Variants in VPS53 observed in about 807,000 individuals in gnomAD.
The protein encoded by VPS53 is VPS53 subunit of GARP complex.
Under a neutral mutation model 107.0 loss-of-function variants are expected in VPS53, and 70 were observed. That is an observed-to-expected ratio of 0.65 (90% confidence interval 0.54 to 0.80). VPS53 has a LOEUF of 0.80. Among genes scored for constraint, VPS53 ranks in the 30% least tolerant of loss-of-function variants. The probability of loss-of-function intolerance (pLI) is 0.00; values close to 1 mark genes in which losing one functional copy is unlikely to be tolerated. For missense variants in VPS53, 917 were observed against 1,049.4 expected (o/e 0.87, Z 1.74); for synonymous variants, 409 against 393.3 (o/e 1.04, Z -0.47).
intron 13 of VPS53, among the ~76,000 whole-genome samples, chr17:568,703 T>C (rs1965557425): frequency 6.6e-6 from 1 of 152,216 alleles, no homozygotes; most frequent in Non-Finnish European, 1.5e-5. Context: ...ACAGGCAAAC[T>C]GAGCAAATAG....
chr17:665,141 A>G (rs57409139), intron 4 of VPS53, among the ~76,000 whole-genome samples: 14,672 of 152,250 alleles, frequency 0.096, 983 homozygotes, highest in East Asian at 0.37. Flanking sequence ...CCTCACGAAC[A>G]AATGAATGGC....
At chr17:611,907 T>C (rs960294577) in intron 11 of VPS53, among the ~76,000 whole-genome samples, 34 of 152,048 alleles carry the variant, frequency 2.2e-4, no homozygotes, top group Non-Finnish European at 3.1e-4. Context: ...TTCACAGCAG[T>C]ATTCACATAG....
At chr17:559,448 G>C (rs1315724033) in intron 15 of VPS53, among the ~76,000 whole-genome samples, 1 of 152,212 alleles carries the variant, frequency 6.6e-6, no homozygotes, top group African/African-American at 2.4e-5. Context: ...CCTGGGGAGT[G>C]GCCTGGGGCT....
Position 714,801 on chromosome 17 carries a change from C to A in VPS53, c.-92G>T, listed in dbSNP as rs980781568. On this transcript the variant is annotated 5_prime_UTR_variant, in exon 1 of 22. Coordinates refer to ENST00000437048, the MANE Select transcript of VPS53 (RefSeq NM_001128159.3). ...CCCCAGCACAGCAACTCCCTCGCGGCAGCGACCTGGTGAGCCCGGCTCCGT... is the reference window on the plus strand; with the variant it reads ...CCCCAGCACAGCAACTCCCTCGCGGAAGCGACCTGGTGAGCCCGGCTCCGT... The A allele has an allele frequency of 2.7e-5, 39 of 1,424,948 alleles. No homozygotes were observed. The highest frequency in any genetic ancestry group is 2.1e-4 in the African/African-American group (15 of 70,866). The allele number at this position is 1,424,948 out of a possible 1,614,324, so 88.3% of individuals were successfully genotyped here.
intron 3 of VPS53, 42 bp downstream of exon 3, chr17:699,289 A>G: frequency 6.8e-7 from 1 of 1,464,562 alleles, no homozygotes; most frequent in Non-Finnish European, 9.1e-7. Context: ...AATTAACAAT[A>G]TACTTTTCAT....
At chr17:710,461 T>C in intron 2 of VPS53, 72 bp downstream of exon 2, 1 of 1,196,152 alleles carries the variant, frequency 8.4e-7, no homozygotes, top group South Asian at 1.2e-5. Context: ...TGATCTAGTG[T>C]AACACACGAA....
intron 16 of VPS53, among the ~76,000 whole-genome samples, chr17:552,296 G>T (rs1303667893): frequency 7.2e-6 from 1 of 138,368 alleles, no homozygotes; most frequent in African/African-American, 2.6e-5. Flanking sequence ...ACTAAGAAGA[G>T]AATTTTGATT....
chr17:682,199 T>C (rs977007176), intron 4 of VPS53, among the ~76,000 whole-genome samples: 4 of 152,016 alleles, frequency 2.6e-5, no homozygotes, highest in Admixed American at 6.6e-5. Flanking sequence ...ACTCAAAAAG[T>C]GGTAGATTCT....
intron 4 of VPS53, chr17:675,006 G>A (rs375996060): frequency 4.1e-4 from 62 of 152,188 alleles, no homozygotes; most frequent in African/African-American, 1.5e-3. Context: ...CATTTATAGT[G>A]TAATAAAACA....
At chr17:541,737 G>A (rs897942560) in intron 17 of VPS53, among the ~76,000 whole-genome samples, 310 of 146,534 alleles carry the variant, frequency 2.1e-3, no homozygotes, top group African/African-American at 7.3e-3. Flanking sequence ...CACCGACTAC[G>A]CACTGAAGGA....
chr17:517,380 C>A lies in VPS53; in HGVS notation c.*1748G>T. 1 of 399,834 alleles carries A rather than the reference C, an allele frequency of 2.5e-6. No individual in the cohort carries two copies. The highest frequency in any genetic ancestry group is 1.3e-4 in the South Asian group (1 of 7,912). The allele number at this position is 399,834 out of a possible 1,614,324, so 24.8% of individuals were successfully genotyped here. On this transcript the variant is annotated 3_prime_UTR_variant, in exon 22 of 22. Transcript: ENST00000437048. ...GGACGGCATCGGGGAGAAAGCCTGG[C>A]AGAGAGGGCAGGGGCACAGAGCAGT...
chr17:665,751 T>A (rs7225524), intron 4 of VPS53, among the ~76,000 whole-genome samples: 5,096 of 152,288 alleles, frequency 0.033, 283 homozygotes, highest in African/African-American at 0.11. Context: ...ACGCCTGTCA[T>A]CCCAGTACTT....
At chr17:640,754 G>A (rs546476034) in intron 7 of VPS53, among the ~76,000 whole-genome samples, 29 of 151,818 alleles carry the variant, frequency 1.9e-4, no homozygotes, top group Admixed American at 1.2e-3. Flanking sequence ...CCCATCTTAC[G>A]GTGCTAACTG....
chr17:566,429 G>C (rs1913515765), intron 13 of VPS53, among the ~76,000 whole-genome samples: 1 of 152,168 alleles, frequency 6.6e-6, no homozygotes, highest in Admixed American at 6.5e-5. Flanking sequence ...AGCTCCCTGA[G>C]AGGAGGAATG....
At chr17:657,001 GATC>G (rs1296525042) in intron 5 of VPS53, 2 of 877,430 alleles carry the variant, frequency 2.3e-6, no homozygotes, top group African/African-American at 3.3e-5. Context: ...CTCTGTTGGG[GATC>G]ACACCAACTC....
At chr17:652,176 GTA>G (rs1970978727) in intron 7 of VPS53, among the ~76,000 whole-genome samples, 1 of 152,040 alleles carries the variant, frequency 6.6e-6, no homozygotes, top group African/African-American at 2.4e-5. Flanking sequence ...TGTATTTTTA[GTA>G]GAGACGGGGT....
chr17:586,078 T>G (rs1292094666), intron 13 of VPS53, among the ~76,000 whole-genome samples, 192 bp downstream of exon 13: 2 of 152,110 alleles, frequency 1.3e-5, no homozygotes, highest in Non-Finnish European at 2.9e-5. Context: ...AAACTCAGGC[T>G]CTGAGATTTA....
chr17:588,395 A>C (rs1355620497), intron 12 of VPS53, among the ~76,000 whole-genome samples: 1 of 152,192 alleles, frequency 6.6e-6, no homozygotes, highest in Non-Finnish European at 1.5e-5. Context: ...TATTTTAATA[A>C]ATACTGGAAG....
chr17:539,760 C>G lies in VPS53; in HGVS notation c.1867-2584G>C, dbSNP rs543870847. Among the ~76,000 whole-genome samples, 3 of 152,300 alleles carry G rather than the reference C, an allele frequency of 2.0e-5. No homozygotes were observed. In the South Asian group the frequency reaches 6.2e-4, roughly 32 times the overall value. ...ACTGCCCAGGATAGCTACATTAAGACCGAACTTCGCAGGTCCCTTTGCATG... is the reference window on the plus strand; with the variant it reads ...ACTGCCCAGGATAGCTACATTAAGAGCGAACTTCGCAGGTCCCTTTGCATG... On this transcript the variant is annotated intron_variant, in intron 17 of 21. Transcript: ENST00000437048.
Sources: allele counts gnomAD v4.1 joint callset (sites outside exome capture counted in the v4.1 genomes callset), GRCh38; gene constraint gnomAD v4.1.1; transcripts MANE v1.5; gene names NCBI Gene and HGNC (gene_info 2026-07-23, HGNC 2026-07-21).